Variants in EPM2A observed in about 807,000 individuals in gnomAD.
EPM2A encodes EPM2A glucan phosphatase, laforin.
Under a neutral mutation model 26.5 loss-of-function variants are expected in EPM2A, and 21 were observed. That is an observed-to-expected ratio of 0.79 (90% CI 0.56 to 1.14). EPM2A has a LOEUF of 1.14. EPM2A is among the 50% of genes most tolerant of loss of function. The pLI, the probability that EPM2A is intolerant of heterozygous loss-of-function variation, is 0.00. For synonymous variants in EPM2A, 217 were observed against 177.6 expected, an observed-to-expected ratio of 1.22 and a Z score of -1.76; for missense variants, 458 against 440.8, an observed-to-expected ratio of 1.04 and a Z score of -0.35.
intron 4 of EPM2A, among the ~76,000 whole-genome samples, chr6:145,432,597 C>G (rs867238138): frequency 6.7e-6 from 1 of 150,262 alleles, no homozygotes; most frequent in African/African-American, 2.4e-5. Flanking sequence ...CTTTCTTGTT[C>G]CATTTATAGA....
chr6:145,538,071 A>C (rs1171613912), intron 2 of EPM2A, among the ~76,000 whole-genome samples: 1 of 151,992 alleles, frequency 6.6e-6, no homozygotes, highest in Non-Finnish European at 1.5e-5. Context: ...ATATGTCTGC[A>C]TGTGTCTTTA....
At chr6:145,531,979 G>A (rs1365649822) in intron 2 of EPM2A, among the ~76,000 whole-genome samples, 1 of 152,174 alleles carries the variant, frequency 6.6e-6, no homozygotes, top group Non-Finnish European at 1.5e-5. Flanking sequence ...TTGGCTGGAA[G>A]GGGTTAACAT....
At chr6:145,461,954 A>G (rs1779332723) in intron 4 of EPM2A, among the ~76,000 whole-genome samples, 1 of 152,212 alleles carries the variant, frequency 6.6e-6, no homozygotes. Flanking sequence ...GTACTTCCAC[A>G]TATCACAGTA....
intron 2 of EPM2A, among the ~76,000 whole-genome samples, chr6:145,564,046 A>G (rs1780845930): frequency 6.6e-6 from 1 of 152,212 alleles, no homozygotes; most frequent in Admixed American, 6.5e-5. Context: ...TCTCTAGATT[A>G]CTTATAATAC....
At chr6:145,543,286 CA>C (rs1268249159) in intron 2 of EPM2A, among the ~76,000 whole-genome samples, 2 of 151,824 alleles carry the variant, frequency 1.3e-5, no homozygotes, top group Non-Finnish European at 2.9e-5. Flanking sequence ...ACCATCAGTT[CA>C]AAGAATGATT....
At chr6:145,592,779 A>G (rs1035329920) in intron 2 of EPM2A, among the ~76,000 whole-genome samples, 1 of 152,176 alleles carries the variant, frequency 6.6e-6, no homozygotes, top group Non-Finnish European at 1.5e-5. Context: ...ACAACCACCA[A>G]AAAAGCTTTT....
At position 145,626,471 on chromosome 6, in the gene EPM2A, A is replaced by G; in HGVS notation, c.*945T>C. Reference sequence around the variant, plus strand: ...AAATTAGCTTGCACAAAATACAACTAATTTCCTAGATTCTTTGGCAACTGA... The same window carrying G: ...AAATTAGCTTGCACAAAATACAACTGATTTCCTAGATTCTTTGGCAACTGA... On this transcript the variant is annotated 3_prime_UTR_variant, in exon 4 of 4. Transcript: ENST00000367519. The G allele has an allele frequency of 2.0e-6, 2 of 985,842 alleles. No individual in the cohort carries two copies. The highest frequency in any genetic ancestry group is 1.2e-6 in the Non-Finnish European group (1 of 829,944). The allele number at this position is 985,842 out of a possible 1,614,324, so 61.1% of individuals were successfully genotyped here. A position where few individuals can be genotyped will look rare whatever the true frequency, so the allele number is the denominator to read the frequency against.
At chr6:145,676,907 G>A (rs1780087006) in intron 2 of EPM2A, among the ~76,000 whole-genome samples, 1 of 152,054 alleles carries the variant, frequency 6.6e-6, no homozygotes, top group African/African-American at 2.4e-5. Context: ...TAAAAAAAGG[G>A]ACTCCTCCAT....
At chr6:145,396,947 C>A (rs1049961686) in intron 4 of EPM2A, among the ~76,000 whole-genome samples, 1 of 152,200 alleles carries the variant, frequency 6.6e-6, no homozygotes, top group Admixed American at 6.5e-5. Context: ...TAAAACCTGG[C>A]CAATCCCACA....
intron 2 of EPM2A, chr6:145,671,324 T>C: frequency 9.9e-7 from 1 of 1,014,894 alleles, no homozygotes. Context: ...GAGTTGAATG[T>C]ACGTCTTGAG....
At chr6:145,580,978 T>C (rs1263633653) in intron 2 of EPM2A, among the ~76,000 whole-genome samples, 2 of 152,238 alleles carry the variant, frequency 1.3e-5, no homozygotes, top group African/African-American at 2.4e-5. Context: ...TTGATGAACA[T>C]AGGCATGCAT....
At chr6:145,552,124 G>A (rs1266310505) in intron 2 of EPM2A, among the ~76,000 whole-genome samples, 1 of 151,724 alleles carries the variant, frequency 6.6e-6, no homozygotes, top group Non-Finnish European at 1.5e-5. Flanking sequence ...AGCGACAAGG[G>A]CTATAATAAT....
At chr6:145,720,847 A>C (rs1478328091) in intron 1 of EPM2A, 1 of 152,190 alleles carries the variant, frequency 6.6e-6, no homozygotes, top group African/African-American at 2.4e-5. Flanking sequence ...CTTTTGACTA[A>C]GGTTTAAAAG....
rs1247080569 is a variant in EPM2A at position 145,660,372 on chromosome 6, C to A, written c.477-24886G>T. Among the ~76,000 whole-genome samples the A allele has an allele frequency of 2.0e-5, 3 of 151,934 alleles. No homozygotes were observed. The East Asian group carries it at 5.8e-4, about 29-fold the overall frequency. On this transcript the variant is annotated intron_variant, in intron 2 of 3. Transcript: ENST00000367519. ...TTTAAGTTGAAAAACTTTAAGAATA[C>A]CTAATACAATACTGGGAACAATAAT...
At chr6:145,396,369 G>A (rs571529911) in intron 4 of EPM2A, among the ~76,000 whole-genome samples, 16 of 152,238 alleles carry the variant, frequency 1.1e-4, no homozygotes, top group Admixed American at 9.2e-4. Context: ...GAGGCTGAAA[G>A]GAGGAATTAG....
At chr6:145,492,161 G>T in intron 4 of EPM2A, 1 of 210,858 alleles carries the variant, frequency 4.7e-6, no homozygotes. Flanking sequence ...TGGCCTTTTT[G>T]CAGGCAGGAA....
At chr6:145,396,417 T>C (rs1388181960) in intron 4 of EPM2A, among the ~76,000 whole-genome samples, 2 of 152,150 alleles carry the variant, frequency 1.3e-5, no homozygotes, top group South Asian at 2.1e-4. Flanking sequence ...CAGACAAAAT[T>C]ATAGGAAAGT....
At chr6:145,420,130 T>G (rs534414824) in intron 4 of EPM2A, among the ~76,000 whole-genome samples, 2 of 152,156 alleles carry the variant, frequency 1.3e-5, no homozygotes, top group Middle Eastern at 6.8e-3. Context: ...AATCATCTCA[T>G]TTTTTTGTGT....
At chr6:145,564,716 T>C (rs1780854663) in intron 2 of EPM2A, among the ~76,000 whole-genome samples, 1 of 148,534 alleles carries the variant, frequency 6.7e-6, no homozygotes, top group Non-Finnish European at 1.5e-5. Context: ...TTATTTAATT[T>C]AACTCACATG....
Sources: allele counts gnomAD v4.1 joint callset (sites outside exome capture counted in the v4.1 genomes callset), GRCh38; gene constraint gnomAD v4.1.1; transcripts MANE v1.5; gene names NCBI Gene and HGNC (gene_info 2026-07-23, HGNC 2026-07-21).